EFCAB5: variants seen among roughly 807,000 people sequenced by gnomAD.
The protein encoded by EFCAB5 is EF-hand calcium binding domain 5, also known as EF-hand calcium-binding domain-containing protein 5.
EFCAB5 carries 131 observed loss-of-function variants against 167.9 expected under a neutral mutation model. The ratio of observed to expected loss-of-function variants is 0.78; its 90% CI spans 0.68 to 0.90. The LOEUF is 0.90. Among genes scored for constraint, EFCAB5 ranks in the 40% least tolerant of loss-of-function variants. The pLI is 0.00. For missense variants in EFCAB5, 1,663 were observed against 1,745.2 expected, an observed-to-expected ratio of 0.95 and a Z score of 0.84; for synonymous variants, 574 against 602.8, an observed-to-expected ratio of 0.95 and a Z score of 0.70.
intron 2 of EFCAB5, among the ~76,000 whole-genome samples, chr17:29,943,094 T>A (rs921219358): frequency 6.6e-6 from 1 of 151,940 alleles, no homozygotes; most frequent in Non-Finnish European, 1.5e-5. Flanking sequence ...TTAGCATGTA[T>A]ACAAAAACTA....
chr17:30,085,945 C>T (rs1336058945), intron 18 of EFCAB5, among the ~76,000 whole-genome samples: 3 of 151,984 alleles, frequency 2.0e-5, no homozygotes, highest in African/African-American at 7.2e-5. Flanking sequence ...AACATGCAGC[C>T]CCTATGGATC....
At chr17:29,932,075 A>G (rs2067203497) in intron 1 of EFCAB5, among the ~76,000 whole-genome samples, 1 of 152,078 alleles carries the variant, frequency 6.6e-6, no homozygotes, top group Admixed American at 6.5e-5. Context: ...ACCCTAACTG[A>G]CAAGATTCTT....
intron 4 of EFCAB5, among the ~76,000 whole-genome samples, chr17:29,990,597 G>A (rs2068393735): frequency 6.6e-6 from 1 of 152,162 alleles, no homozygotes; most frequent in South Asian, 2.1e-4. Context: ...ACAAATGACT[G>A]GAGACAGCAA....
In EFCAB5 at chr17:30,069,152, C is replaced by T. The variant is rs1234021928; in HGVS notation, c.2738-9063C>T. ...TCTAAGCTGGAACCAGAACCAAATG[C>T]AAAGACAAGAGAATCCACATCTTCT... On this transcript the variant is annotated intron_variant, in intron 14 of 22. Coordinates refer to ENST00000394835, the MANE Select transcript of EFCAB5 (RefSeq NM_198529.4). The T allele has an allele frequency of 3.2e-6, 5 of 1,541,068 alleles. No individual in the cohort carries two copies. In the African/African-American group the frequency reaches 5.4e-5, roughly 17 times the overall value.
intron 7 of EFCAB5, among the ~76,000 whole-genome samples, chr17:30,000,301 C>A (rs2068634325): frequency 6.6e-6 from 1 of 152,102 alleles, no homozygotes; most frequent in East Asian, 1.9e-4. Context: ...TTCCTATGGG[C>A]CAGGTATCAT....
chr17:29,998,899 G>T (rs957987443), intron 6 of EFCAB5, among the ~76,000 whole-genome samples: 5 of 152,126 alleles, frequency 3.3e-5, no homozygotes, highest in African/African-American at 1.2e-4. Context: ...TCAAATGAAG[G>T]TTTAAAAATC....
intron 4 of EFCAB5, among the ~76,000 whole-genome samples, chr17:29,988,663 G>A (rs2068342654): frequency 6.6e-6 from 1 of 152,158 alleles, no homozygotes; most frequent in Non-Finnish European, 1.5e-5. Flanking sequence ...TTCCAAGTAA[G>A]ACTATTTATA....
intron 14 of EFCAB5, among the ~76,000 whole-genome samples, chr17:30,070,358 T>G (rs1409249048): frequency 6.6e-6 from 1 of 152,166 alleles, no homozygotes; most frequent in Non-Finnish European, 1.5e-5. Context: ...AAAATTCATA[T>G]GGTATCACAA....
rs142307793 is a variant in EFCAB5, at chr17:30,042,616, A to T, written c.1200+8231A>T. 2.3e-3 allele frequency among the ~76,000 whole-genome samples: 346 copies of T among 152,324 alleles called. 1 individual carries two copies. Among genetic ancestry groups the T allele is most frequent in the African/African-American group, 8.0e-3 (332 of 41,578 alleles). ...GAAAATAGGAAAACTAGATATCCTT[A>T]TATGTATAAAGAAGTATAATTAATA... On this transcript the variant is annotated intron_variant, in intron 8 of 22. Coordinates refer to ENST00000394835, the MANE Select transcript of EFCAB5 (RefSeq NM_198529.4).
At chr17:30,056,245 A>G in intron 12 of EFCAB5, 89 bp downstream of exon 12, 1 of 1,220,740 alleles carries the variant, frequency 8.2e-7, no homozygotes, top group South Asian at 1.4e-5. Context: ...GACTGAATTT[A>G]GCTAAGGCAG....
At chr17:30,093,773 G>T (rs1047484568) in intron 22 of EFCAB5, among the ~76,000 whole-genome samples, 24 of 152,074 alleles carry the variant, frequency 1.6e-4, no homozygotes, top group African/African-American at 5.3e-4. Flanking sequence ...AATCACCACC[G>T]CCAAGCCTTT....
At chr17:30,009,290 C>A (rs1206553705) in intron 7 of EFCAB5, among the ~76,000 whole-genome samples, 1 of 152,132 alleles carries the variant, frequency 6.6e-6, no homozygotes, top group Non-Finnish European at 1.5e-5. Context: ...ATTGAATGGG[C>A]TTTAGTATAT....
intron 5 of EFCAB5, 100 bp from the exon 6 acceptor site, chr17:29,996,212 A>T: frequency 1.0e-6 from 1 of 983,572 alleles, no homozygotes; most frequent in Non-Finnish European, 1.5e-6. Context: ...CAATACTAAA[A>T]CAGAAAGACT....
chr17:29,995,207 G>T (rs2068518553), intron 5 of EFCAB5, among the ~76,000 whole-genome samples: 1 of 152,198 alleles, frequency 6.6e-6, no homozygotes, highest in African/African-American at 2.4e-5. Context: ...GAATGAGCAA[G>T]AGCATTGTTA....
intron 7 of EFCAB5, among the ~76,000 whole-genome samples, chr17:30,019,763 A>G (rs1413305843): frequency 6.6e-6 from 1 of 152,100 alleles, no homozygotes; most frequent in Non-Finnish European, 1.5e-5. Flanking sequence ...CTGTTTCTAG[A>G]ATAAGCCTCA....
chr17:30,061,759 G>A (rs2070432078), intron 14 of EFCAB5, among the ~76,000 whole-genome samples: 1 of 151,976 alleles, frequency 6.6e-6, no homozygotes, highest in Admixed American at 6.6e-5. Flanking sequence ...TTTAAGACAG[G>A]GTCTCACTAT....
intron 14 of EFCAB5, chr17:30,074,616 A>G (rs1435805387): frequency 6.6e-6 from 1 of 152,190 alleles, no homozygotes; most frequent in Non-Finnish European, 1.5e-5. Context: ...GCTACTCTGC[A>G]CAATCTTAAG....
intron 4 of EFCAB5, among the ~76,000 whole-genome samples, 171 bp from the exon 5 acceptor site, chr17:29,992,994 C>G (rs2068455619): frequency 6.6e-6 from 1 of 152,106 alleles, no homozygotes; most frequent in South Asian, 2.1e-4. Context: ...GTGATTAATG[C>G]CAAATTCAAT....
At chr17:29,930,308 T>C (rs1366200395) in intron 1 of EFCAB5, 1 of 413,062 alleles carries the variant, frequency 2.4e-6, no homozygotes, top group Non-Finnish European at 4.4e-6. Flanking sequence ...TCGTAACCCT[T>C]GAGTTGCCGG....
Sources: gnomAD v4.1 joint callset for allele counts (sites outside exome capture counted in the v4.1 genomes callset) on GRCh38, gnomAD v4.1.1 for gene constraint, MANE v1.5 for transcripts, NCBI Gene and HGNC (gene_info 2026-07-23, HGNC 2026-07-21) for gene names.